PALLD: variants seen among roughly 807,000 people sequenced by gnomAD.
The protein encoded by PALLD is palladin.
A neutral mutation model predicts 123.5 loss-of-function variants in PALLD; 61 were observed. The observed-to-expected ratio is 0.49, with a 90% CI of 0.40 to 0.61. The LOEUF (loss-of-function observed/expected upper bound fraction) is 0.61, where lower values mean the gene tolerates loss of function less well. Among genes scored for constraint, PALLD ranks in the 20% least tolerant of loss-of-function variants. The probability of loss-of-function intolerance (pLI) is 0.00; values close to 1 mark genes in which losing one functional copy is unlikely to be tolerated. For synonymous variants in PALLD, 465 were observed against 496.4 expected, an observed-to-expected ratio of 0.94 and a Z score of 0.84; for missense variants, 1,273 against 1,377.0, an observed-to-expected ratio of 0.92 and a Z score of 1.20.
chr4:168,727,647 A>G (rs1246607478), intron 10 of PALLD, among the ~76,000 whole-genome samples: 1 of 152,150 alleles, frequency 6.6e-6, no homozygotes, highest in Non-Finnish European at 1.5e-5. Flanking sequence ...ATTTTCTCCC[A>G]TTCTGTAGGT....
chr4:168,638,798 C>T (rs1280161726), intron 2 of PALLD, among the ~76,000 whole-genome samples: 1 of 147,110 alleles, frequency 6.8e-6, no homozygotes, highest in East Asian at 2.2e-4. Flanking sequence ...GAAGGCCCCA[C>T]TTCCTAAATA....
chr4:168,514,696 A>T (rs1043571159), intron 2 of PALLD, among the ~76,000 whole-genome samples: 2 of 152,194 alleles, frequency 1.3e-5, no homozygotes, highest in South Asian at 4.1e-4. Context: ...TTCTCATGTC[A>T]CTCAAAACAG....
intron 10 of PALLD, among the ~76,000 whole-genome samples, chr4:168,813,107 G>GC (rs373223323): frequency 8.6e-5 from 13 of 151,580 alleles, no homozygotes; most frequent in Non-Finnish European, 1.6e-4. Flanking sequence ...CGTACTTTTG[G>GC]GGGGGGCGGA....
At chr4:168,631,188 G>T (rs185702023) in intron 2 of PALLD, among the ~76,000 whole-genome samples, 146 of 152,348 alleles carry the variant, frequency 9.6e-4, no homozygotes, top group African/African-American at 3.4e-3. Context: ...TAACTCACAA[G>T]AGGTAACGCA....
intron 10 of PALLD, among the ~76,000 whole-genome samples, chr4:168,727,145 A>G (rs1786671009): frequency 6.6e-6 from 1 of 152,036 alleles, no homozygotes; most frequent in South Asian, 2.1e-4. Flanking sequence ...ACCTAGGTTG[A>G]CTCTATGTCT....
chr4:168,741,245 T>G (rs1259339131), intron 10 of PALLD, among the ~76,000 whole-genome samples: 1 of 152,222 alleles, frequency 6.6e-6, no homozygotes, highest in African/African-American at 2.4e-5. Context: ...ATTCAGAAAC[T>G]ATTCTTATTT....
At chr4:168,835,642 G>A (rs1438138519) in intron 10 of PALLD, among the ~76,000 whole-genome samples, 3 of 132,312 alleles carry the variant, frequency 2.3e-5, no homozygotes, top group Admixed American at 7.4e-5. Context: ...AATTTTAAGA[G>A]AGGATAAAGA....
rs141100375 is a variant in PALLD at position 168,563,433 on chromosome 4, C to A, written c.908+51021C>A. Among the ~76,000 whole-genome samples the A allele has an allele frequency of 9.8e-3, 1,497 of 152,298 alleles. 79 individuals carry two copies. Among genetic ancestry groups the A allele is most frequent in the Admixed American group, 0.087 (1,325 of 15,284 alleles). On this transcript the variant is annotated intron_variant, in intron 2 of 21. Coordinates refer to ENST00000505667, the MANE Select transcript of PALLD (RefSeq NM_001166108.2). ...ATCATGCTGTCAGTCAGATATCTTTCTATTACATCACTCCATCTCCATGAT... is the reference window on the plus strand; with the variant it reads ...ATCATGCTGTCAGTCAGATATCTTTATATTACATCACTCCATCTCCATGAT...
chr4:168,831,013 T>C (rs1328570652), intron 10 of PALLD, among the ~76,000 whole-genome samples: 2 of 152,252 alleles, frequency 1.3e-5, no homozygotes, highest in African/African-American at 4.8e-5. Flanking sequence ...GCATTCATTT[T>C]GTTAACAGCT....
At chr4:168,683,497 C>T (rs1025161666) in intron 5 of PALLD, among the ~76,000 whole-genome samples, 2 of 152,176 alleles carry the variant, frequency 1.3e-5, no homozygotes, top group Admixed American at 1.3e-4. Flanking sequence ...AGCTTTCCCA[C>T]TCCTAAAAGC....
At position 168,928,220 on chromosome 4, in the gene PALLD, T is replaced by C. The variant is rs748892483; in HGVS notation, c.*2040T>C. On this transcript the variant is annotated 3_prime_UTR_variant, in exon 22 of 22. Coordinates refer to ENST00000505667, the MANE Select transcript of PALLD (RefSeq NM_001166108.2). ...TGGACCTATCTCTATTGTAGAATTA[T>C]GACTTATGTCTTACTTGCCAAATTT... 43 of 185,458 alleles carry C rather than the reference T, an allele frequency of 2.3e-4. No individual in the cohort carries two copies. The Admixed American group carries it at 2.5e-3, about 11-fold the overall frequency. 11.5% of individuals were successfully genotyped at this position (185,458 alleles called of 1,614,324 possible). A position where few individuals can be genotyped will look rare whatever the true frequency, so the allele number is the denominator to read the frequency against.
chr4:168,683,117 G>C lies in PALLD; in HGVS notation c.1260+14G>C. The stretch of plus-strand genomic sequence containing the variant: ...CCTGTGCAACAGGTAAGTATGCTTT[G>C]AGCCAGAGCCCATAAGGGGTCGAAC... On this transcript the variant is annotated intron_variant, in intron 5 of 21. Transcript: ENST00000505667. The C allele has an allele frequency of 6.6e-7, 1 of 1,508,708 alleles. No homozygotes were observed. Among genetic ancestry groups the C allele is most frequent in the Non-Finnish European group, 9.2e-7 (1 of 1,084,604 alleles). 93.5% of individuals were successfully genotyped at this position (1,508,708 alleles called of 1,614,324 possible).
intron 2 of PALLD, among the ~76,000 whole-genome samples, chr4:168,535,286 T>C (rs1764992811): frequency 6.6e-6 from 1 of 152,244 alleles, no homozygotes; most frequent in Admixed American, 6.5e-5. Context: ...ACATAAGATC[T>C]CTTGATTTTC....
chr4:168,841,717 C>G (rs1052174569), intron 10 of PALLD, among the ~76,000 whole-genome samples: 3 of 152,132 alleles, frequency 2.0e-5, no homozygotes, highest in African/African-American at 7.2e-5. Context: ...CTCAGTTTTC[C>G]TATGTGTTTA....
chr4:168,538,470 T>G (rs887747074), intron 2 of PALLD, among the ~76,000 whole-genome samples: 2 of 151,674 alleles, frequency 1.3e-5, no homozygotes, highest in South Asian at 2.1e-4. Flanking sequence ...AAATAAAATT[T>G]TATTTTAAAT....
chr4:168,639,852 A>G (rs974920006), intron 2 of PALLD, among the ~76,000 whole-genome samples: 8 of 151,894 alleles, frequency 5.3e-5, no homozygotes, highest in African/African-American at 1.9e-4. Context: ...CCTGCCACTC[A>G]ACTTTAATTT....
At chr4:168,634,515 A>G (rs1179399061) in intron 2 of PALLD, among the ~76,000 whole-genome samples, 1 of 152,096 alleles carries the variant, frequency 6.6e-6, no homozygotes, top group Non-Finnish European at 1.5e-5. Context: ...TTTTTCCTGA[A>G]TGATTGGGCT....
At chr4:168,817,046 G>A (rs1742072767) in intron 10 of PALLD, among the ~76,000 whole-genome samples, 1 of 152,080 alleles carries the variant, frequency 6.6e-6, no homozygotes, top group Admixed American at 6.6e-5. Flanking sequence ...AGTAAAAATA[G>A]GCAAAGAAGA....
At chr4:168,517,345 T>TAATGTG (rs1432160830) in intron 2 of PALLD, among the ~76,000 whole-genome samples, 3 of 152,192 alleles carry the variant, frequency 2.0e-5, no homozygotes, top group Non-Finnish European at 2.9e-5. Context: ...GCTTTAATAG[T>TAATGTG]CTAAATACAA....
Sources: allele counts gnomAD v4.1 joint callset (sites outside exome capture counted in the v4.1 genomes callset), GRCh38; gene constraint gnomAD v4.1.1; transcripts MANE v1.5; gene names NCBI Gene and HGNC (gene_info 2026-07-23, HGNC 2026-07-21).